GET4: variants seen among roughly 807,000 people sequenced by gnomAD.
GET4 encodes guided entry of tail-anchored proteins factor 4, also known as Golgi to ER traffic protein 4 homolog.
Under a neutral mutation model 40.0 loss-of-function variants are expected in GET4, and 20 were observed. The ratio of observed to expected loss-of-function variants is 0.50; its 90% CI spans 0.35 to 0.73. GET4 has a LOEUF of 0.73. GET4 is among the 30% of genes least tolerant of loss of function. GET4 has a pLI of 0.01. For missense variants in GET4, 557 were observed against 454.0 expected, an observed-to-expected ratio of 1.23 and a Z score of -2.06; for synonymous variants, 280 against 194.6, an observed-to-expected ratio of 1.44 and a Z score of -3.65.
chr7:891,107 G>A (rs1273790661), intron 5 of GET4, 41 bp downstream of exon 5: 2 of 1,532,588 alleles, frequency 1.3e-6, no homozygotes, highest in Non-Finnish European at 8.8e-7. Context: ...TTCCATTGCT[G>A]CCTTGGCTGG....
At chr7:888,325 C>T (rs1171185395) in intron 4 of GET4, among the ~76,000 whole-genome samples, 2 of 152,232 alleles carry the variant, frequency 1.3e-5, no homozygotes, top group African/African-American at 4.8e-5. Context: ...GGCCCACGTA[C>T]TCTGCACACA....
intron 1 of GET4, chr7:880,333 C>G (rs1463627956): frequency 2.0e-5 from 3 of 152,224 alleles, no homozygotes; most frequent in African/African-American, 7.2e-5. Flanking sequence ...GAGAGAAACT[C>G]TGTCTCGATA....
Position 895,284 on chromosome 7 carries a change from G to T in GET4, c.896-50G>T. On this transcript the variant is annotated intron_variant, in intron 8 of 8. Coordinates refer to ENST00000265857, the MANE Select transcript of GET4 (RefSeq NM_015949.3). ...GTTTGTGGGAAGGAGGGGCTTGGGG[G>T]CCTGTGGGAGGCTGCCCAGGCGTGA... The T allele has an allele frequency of 4.5e-6, 4 of 879,266 alleles. 1 individual carries two copies. In the South Asian group the frequency reaches 5.9e-5, roughly 13 times the overall value. The allele number at this position is 879,266 out of a possible 1,614,324, so 54.5% of individuals were successfully genotyped here.
chr7:894,683 G>A (rs778436183), intron 8 of GET4, among the ~76,000 whole-genome samples: 1 of 152,212 alleles, frequency 6.6e-6, no homozygotes, highest in Non-Finnish European at 1.5e-5. Context: ...CCACAGAAGC[G>A]CCGTCAGGGC....
intron 1 of GET4, chr7:884,404 C>T (rs1296920101): frequency 4.7e-6 from 6 of 1,276,242 alleles, no homozygotes; most frequent in Non-Finnish European, 5.2e-6. Flanking sequence ...GGTGGGTCTC[C>T]CTCCAGAACC....
At chr7:876,903 G>A in intron 1 of GET4, 103 bp downstream of exon 1, 1 of 543,800 alleles carries the variant, frequency 1.8e-6, no homozygotes. Context: ...GCCGCTGCCC[G>A]TCGCGGGGGC....
At chr7:878,646 T>C (rs1844018988) in intron 1 of GET4, among the ~76,000 whole-genome samples, 1 of 150,172 alleles carries the variant, frequency 6.7e-6, no homozygotes, top group Non-Finnish European at 1.5e-5. Flanking sequence ...TGGTGGGATC[T>C]CGGCTCACTG....
chr7:892,058 C>T (rs1738083460), intron 5 of GET4, among the ~76,000 whole-genome samples: 2 of 152,274 alleles, frequency 1.3e-5, no homozygotes. Context: ...AGCCTGGTCA[C>T]ATTCCCAAGC....
intron 1 of GET4, chr7:884,000 A>C (rs1844137768): frequency 8.9e-7 from 1 of 1,129,248 alleles, no homozygotes; most frequent in South Asian, 2.0e-5. Context: ...GCGCAGTCCA[A>C]ACCAGGCCGG....
chr7:887,326 G>C (rs758178757), intron 3 of GET4, 44 bp from the exon 4 acceptor site: 49 of 1,555,362 alleles, frequency 3.2e-5, no homozygotes, highest in Middle Eastern at 3.4e-4. Context: ...CAGAGAGCCG[G>C]AGTGGCCGTG....
intron 1 of GET4, chr7:879,963 A>G (rs922438934): frequency 6.6e-6 from 1 of 152,248 alleles, no homozygotes; most frequent in Non-Finnish European, 1.5e-5. Context: ...TAGAGGGGCC[A>G]GCCATAGAGC....
At chr7:883,468 T>C in intron 1 of GET4, 1 of 979,242 alleles carries the variant, frequency 1.0e-6, no homozygotes, top group Non-Finnish European at 1.2e-6. Context: ...TGTGTTCTGC[T>C]TTTTAATGTT....
At position 894,011 on chromosome 7, in the gene GET4, G is replaced by A. The variant is rs745669919; in HGVS notation, c.895+40G>A. 14 of 1,400,722 alleles carry A rather than the reference G, an allele frequency of 1.0e-5. No individual in the cohort carries two copies. In the Admixed American group the frequency reaches 2.2e-4, roughly 22 times the overall value. 86.8% of individuals were successfully genotyped at this position (1,400,722 alleles called of 1,614,324 possible). On this transcript the variant is annotated intron_variant, in intron 8 of 8. Transcript: ENST00000265857. The stretch of plus-strand genomic sequence containing the variant: ...CCTTGTCACACCCACTCCAGCCCTG[G>A]GTCGGTGTGGGGTCATCATCTCTGC...
chr7:884,072 G>A (rs1398080644), intron 1 of GET4: 4 of 1,186,020 alleles, frequency 3.4e-6, no homozygotes, highest in South Asian at 1.6e-5. Context: ...ATGGGTCACT[G>A]CCTTCCAGGG....
chr7:878,957 A>G (rs897823349), intron 1 of GET4, among the ~76,000 whole-genome samples: 9 of 130,828 alleles, frequency 6.9e-5, no homozygotes, highest in African/African-American at 2.6e-4. Flanking sequence ...CCCTTTGGAC[A>G]GCCTCCTGCC....
Position 890,359 on chromosome 7 carries a change from C to T in GET4, c.467-569C>T, listed in dbSNP as rs10237137. On this transcript the variant is annotated intron_variant, in intron 4 of 8. Transcript: ENST00000265857. ...ACGGGGTCTGGGAGTGGAGGGAGTG[C>T]GAGCGGGTGTCAGGACGGGGTCTGG... Among the ~76,000 whole-genome samples the T allele has an allele frequency of 3.7e-3, 81 of 21,628 alleles. 19 individuals are homozygous for T. Among genetic ancestry groups the T allele is most frequent in the South Asian group, 0.029 (13 of 454 alleles). 14.2% of individuals were successfully genotyped at this position (21,628 alleles called of 152,430 possible).
chr7:889,359 C>G (rs1458517188), intron 4 of GET4, among the ~76,000 whole-genome samples: 1 of 152,272 alleles, frequency 6.6e-6, no homozygotes, highest in Non-Finnish European at 1.5e-5. Flanking sequence ...GACCTGAGGC[C>G]TGGGCTCCAT....
At chr7:883,494 C>A in intron 1 of GET4, 1 of 985,016 alleles carries the variant, frequency 1.0e-6, no homozygotes, top group Non-Finnish European at 1.2e-6. Flanking sequence ...AAGAGAAGAG[C>A]AAAATCAGCT....
At position 895,982 on chromosome 7, in the gene GET4, A is replaced by C. The variant is rs1844479256; in HGVS notation, c.*560A>C. 6.6e-6 allele frequency: 1 copy of C among 152,130 alleles called. No homozygotes were observed. Among genetic ancestry groups the C allele is most frequent in the African/African-American group, 2.4e-5 (1 of 41,398 alleles). 9.4% of individuals were successfully genotyped at this position (152,130 alleles called of 1,614,324 possible). On this transcript the variant is annotated 3_prime_UTR_variant, in exon 9 of 9. Transcript: ENST00000265857. ...TGCGCCACATCCTCACGCTCGGTGG[A>C]GGGACGCGTGCGGCGGGACGGTGCC...
Sources: allele counts gnomAD v4.1 joint callset (sites outside exome capture counted in the v4.1 genomes callset), GRCh38; gene constraint gnomAD v4.1.1; transcripts MANE v1.5; gene names NCBI Gene and HGNC (gene_info 2026-07-23, HGNC 2026-07-21).